Variants in MIGA1 observed in about 807,000 individuals in gnomAD.
The protein encoded by MIGA1 is family with sequence similarity 73, member A.
Under a neutral mutation model 82.0 loss-of-function variants are expected in MIGA1, and 58 were observed. The ratio of observed to expected loss-of-function variants is 0.71; its 90% CI spans 0.57 to 0.88. The LOEUF is 0.88. Ranked by LOEUF, MIGA1 falls within the 40% of genes least tolerant of loss-of-function variation. MIGA1 has a pLI of 0.00. For missense variants in MIGA1, 751 were observed against 749.1 expected (o/e 1.00, Z -0.03); for synonymous variants, 249 against 253.6 (o/e 0.98, Z 0.17).
rs1685672736 is a variant in MIGA1 at position 77,866,474 on chromosome 1, G to A, written c.1563+83G>A. ...CAGCTTCTGAGTCACTTCTCCGGTG[G>A]GAATTGGCAGCTGTAGGAGGGGTAG... On this transcript the variant is annotated intron_variant, in intron 14 of 15. Coordinates refer to ENST00000370791, the MANE Select transcript of MIGA1 (RefSeq NM_198549.4). The A allele has an allele frequency of 3.1e-6, 4 of 1,310,462 alleles. No homozygotes were observed. In the South Asian group the frequency reaches 4.7e-5, roughly 15 times the overall value. 81.2% of individuals were successfully genotyped at this position (1,310,462 alleles called of 1,614,324 possible). A position where few individuals can be genotyped will look rare whatever the true frequency, so the allele number is the denominator to read the frequency against.
chr1:77,873,204 TAGA>T lies in MIGA1; in HGVS notation c.1680+89_1680+91del, dbSNP rs929167345. 3.8e-6 allele frequency: 5 copies of T among 1,316,696 alleles called. No individual in the cohort carries two copies. The African/African-American group carries it at 4.4e-5, about 12-fold the overall frequency. 81.6% of individuals were successfully genotyped at this position (1,316,696 alleles called of 1,614,324 possible). The stretch of plus-strand genomic sequence containing the variant: ...TTTATTCTGTTTTGTTTTGCTTTTG[TAGA>T]AGAACAAATGTTATTTAAGAGTAAA... On this transcript the variant is annotated intron_variant, in intron 15 of 15. Transcript: ENST00000370791.
At chr1:77,857,692 CTCTAGAAGTTT>C (rs72182527) in intron 8 of MIGA1, among the ~76,000 whole-genome samples, 8,967 of 148,068 alleles carry the variant, frequency 0.061, 756 homozygotes, top group African/African-American at 0.19. Flanking sequence ...AAACAAAACA[CTCTAGAAGTTT>C]TCTAGAAGTT....
chr1:77,827,668 A>T (rs1684084625), intron 7 of MIGA1, among the ~76,000 whole-genome samples: 1 of 152,132 alleles, frequency 6.6e-6, no homozygotes. Context: ...ACCTTTCTCT[A>T]GAAAGTCTGC....
intron 7 of MIGA1, among the ~76,000 whole-genome samples, chr1:77,838,348 A>ATTATTTAT (rs1553221677): frequency 6.7e-6 from 1 of 149,260 alleles, no homozygotes; most frequent in African/African-American, 2.5e-5. Flanking sequence ...TTATTTATTT[A>ATTATTTAT]TTATTTATTT....
chr1:77,801,532 G>C, intron 3 of MIGA1, 24 bp downstream of exon 3: 1 of 1,548,118 alleles, frequency 6.5e-7, no homozygotes, highest in Non-Finnish European at 8.6e-7. Context: ...GTTGAAGTAA[G>C]TGTACAAAAG....
At chr1:77,871,395 A>G (rs376951286) in intron 14 of MIGA1, among the ~76,000 whole-genome samples, 1 of 151,790 alleles carries the variant, frequency 6.6e-6, no homozygotes, top group South Asian at 2.1e-4. Flanking sequence ...CCAGCTACTC[A>G]GGAGGCTGAG....
intron 8 of MIGA1, among the ~76,000 whole-genome samples, chr1:77,854,382 C>T (rs142438787): frequency 0.02 from 3,082 of 152,252 alleles, 70 homozygotes; most frequent in East Asian, 0.11. Context: ...GTATCTTTTT[C>T]GAATGATGAC....
chr1:77,783,919 T>C (rs1682033273), intron 2 of MIGA1, among the ~76,000 whole-genome samples: 1 of 152,222 alleles, frequency 6.6e-6, no homozygotes, highest in African/African-American at 2.4e-5. Context: ...CTACAGAATT[T>C]TTTTGTGACT....
chr1:77,785,915 C>T (rs927913311), intron 2 of MIGA1, among the ~76,000 whole-genome samples: 1 of 152,312 alleles, frequency 6.6e-6, no homozygotes, highest in Non-Finnish European at 1.5e-5. Context: ...GGCGGTGCCC[C>T]AGTAGGGACT....
At position 77,878,578 on chromosome 1, in the gene MIGA1, A is replaced by G. The variant is rs185309555; in HGVS notation, c.*3514A>G. ...ACCATGAGCTCTACCATCCACTTCCATATGTAAATTATAAGAGGGACTTCA... is the reference window on the plus strand; with the variant it reads ...ACCATGAGCTCTACCATCCACTTCCGTATGTAAATTATAAGAGGGACTTCA... On this transcript the variant is annotated 3_prime_UTR_variant, in exon 16 of 16. Transcript: ENST00000370791. 1.0e-3 allele frequency: 281 copies of G among 276,286 alleles called. 1 individual carries two copies. Among genetic ancestry groups the G allele is most frequent in the African/African-American group, 5.7e-3 (264 of 46,352 alleles). The allele number at this position is 276,286 out of a possible 1,614,324, so 17.1% of individuals were successfully genotyped here. A position where few individuals can be genotyped will look rare whatever the true frequency, so the allele number is the denominator to read the frequency against.
chr1:77,797,201 C>T (rs1682692131), intron 2 of MIGA1, among the ~76,000 whole-genome samples: 1 of 152,202 alleles, frequency 6.6e-6, no homozygotes, highest in Non-Finnish European at 1.5e-5. Context: ...TGTTGAAGGG[C>T]ATCCAGGTTG....
Position 77,801,487 on chromosome 1 carries a change from A to C in MIGA1, c.352A>C (p.Lys118Gln). ...AGAGCACCTCATACTTGAATACACT[A>C]AAAGAGCAGCATCAGACAAAGGTAT... is the stretch of plus-strand genomic sequence containing the variant. The change falls in exon 3 of 16, where the codon AAA becomes CAA. Residue 118 changes from lysine to glutamine, a missense_variant. Transcript: ENST00000370791. The C allele has an allele frequency of 6.2e-7, 1 of 1,600,210 alleles. No homozygotes were observed. The highest frequency in any genetic ancestry group is 2.3e-5 in the East Asian group (1 of 44,344).
rs777803316 is a variant in MIGA1, at chr1:77,859,400, A to G, written c.1188+14A>G. On this transcript the variant is annotated intron_variant, in intron 10 of 15. Transcript: ENST00000370791. ...CAGGCTTTTCAGGTATTTTTTTAAC[A>G]TTAAGTGACTTCACCCAGCCACTCA... The G allele has an allele frequency of 3.1e-6, 5 of 1,602,126 alleles. No individual in the cohort carries two copies. In the South Asian group the frequency reaches 4.4e-5, roughly 14 times the overall value.
chr1:77,865,071 A>G (rs1685612208), intron 13 of MIGA1, among the ~76,000 whole-genome samples: 1 of 152,070 alleles, frequency 6.6e-6, no homozygotes, highest in South Asian at 2.1e-4. Flanking sequence ...CCATTTCTGT[A>G]ACTGATTTGG....
intron 7 of MIGA1, among the ~76,000 whole-genome samples, chr1:77,832,910 G>A (rs1162124469): frequency 6.6e-6 from 1 of 152,160 alleles, no homozygotes; most frequent in Non-Finnish European, 1.5e-5. Flanking sequence ...TATTGAGTCA[G>A]TGAGACATCC....
chr1:77,807,456 G>A (rs901591561), intron 5 of MIGA1, among the ~76,000 whole-genome samples: 7 of 151,970 alleles, frequency 4.6e-5, no homozygotes, highest in African/African-American at 1.5e-4. Context: ...GAGCCACCAC[G>A]GTTGGTGGTA....
Position 77,863,955 on chromosome 1 carries a change from A to T in MIGA1, c.1436A>T (p.Asp479Val), listed in dbSNP as rs1423318204. ...TTTATATTAATGGACTCCTTTGAAG[A>T]TTTGGAAAACCCACCCACATCCATA... Residue 479 changes from aspartate (D) to valine (V), a missense_variant, in exon 13 of 16, where the codon GAT becomes GTT. Around this residue, in one of 3 missense-constraint regions of MIGA1, gnomAD observed 265 missense variants for 293.6 expected, o/e 0.90. Coordinates refer to ENST00000370791, the MANE Select transcript of MIGA1 (RefSeq NM_198549.4). 6.2e-7 allele frequency: 1 copy of T among 1,604,934 alleles called. No individual in the cohort carries two copies. The highest frequency in any genetic ancestry group is 8.5e-7 in the Non-Finnish European group (1 of 1,177,048).
At chr1:77,811,363 G>A (rs1683320668) in intron 5 of MIGA1, 9 of 1,607,106 alleles carry the variant, frequency 5.6e-6, no homozygotes, top group Non-Finnish European at 7.7e-6. Context: ...CCCTGCTCCA[G>A]CACCACCCTC....
At chr1:77,796,422 AT>A (rs772449324) in intron 2 of MIGA1, among the ~76,000 whole-genome samples, 682 of 141,380 alleles carry the variant, frequency 4.8e-3, no homozygotes, top group Middle Eastern at 7.5e-3. Context: ...CCTGGTCTTA[AT>A]TTTTTTTTTT....
Sources: gnomAD v4.1 joint callset for allele counts (sites outside exome capture counted in the v4.1 genomes callset) on GRCh38, gnomAD v4.1.1 for gene constraint, gnomAD v4.1.1 regional missense constraint, MANE v1.5 for transcripts, NCBI Gene and HGNC (gene_info 2026-07-23, HGNC 2026-07-21) for gene names.